CLUAP1: variants seen among roughly 807,000 people sequenced by gnomAD.
CLUAP1 encodes the protein clusterin-associated protein 1.
A neutral mutation model predicts 55.0 loss-of-function variants in CLUAP1; 50 were observed. The ratio of observed to expected loss-of-function variants is 0.91; its 90% CI spans 0.72 to 1.15. The LOEUF is 1.15. CLUAP1 is among the 50% of genes most tolerant of loss of function. The pLI is 0.00. For synonymous variants in CLUAP1, 195 were observed against 175.4 expected (o/e 1.11, Z -0.88); for missense variants, 530 against 507.6 (o/e 1.04, Z -0.42).
intron 4 of CLUAP1, among the ~76,000 whole-genome samples, chr16:3,509,086 A>T (rs1027805329): frequency 1.3e-5 from 2 of 151,930 alleles, no homozygotes; most frequent in African/African-American, 4.8e-5. Context: ...GTGAGACGCC[A>T]TTTTTACCAA....
At chr16:3,517,471 T>A (rs1475629002) in intron 6 of CLUAP1, among the ~76,000 whole-genome samples, 1 of 151,750 alleles carries the variant, frequency 6.6e-6, no homozygotes, top group Non-Finnish European at 1.5e-5. Context: ...CACGCCCAGC[T>A]AATTTTTGTT....
intron 4 of CLUAP1, among the ~76,000 whole-genome samples, chr16:3,508,725 T>C (rs1314338891): frequency 6.6e-6 from 1 of 152,212 alleles, no homozygotes; most frequent in Non-Finnish European, 1.5e-5. Context: ...AAAAATCGTG[T>C]GTTTATTCTC....
Position 3,501,599 on chromosome 16 carries a change from A to T in CLUAP1, c.22+510A>T, listed in dbSNP as rs561944443. On this transcript the variant is annotated intron_variant, in intron 1 of 11. Coordinates refer to ENST00000576634, the MANE Select transcript of CLUAP1 (RefSeq NM_015041.3). ...GGAGTTCGAGACCAGCCTGACCAACATGGAGAAACCCCGTCTCTACTAAAA... is the reference window on the plus strand; with the variant it reads ...GGAGTTCGAGACCAGCCTGACCAACTTGGAGAAACCCCGTCTCTACTAAAA... 2.0e-5 allele frequency among the ~76,000 whole-genome samples: 3 copies of T among 152,190 alleles called. No individual in the cohort carries two copies. In the South Asian group the frequency reaches 6.2e-4, roughly 32 times the overall value.
intron 1 of CLUAP1, among the ~76,000 whole-genome samples, chr16:3,504,355 C>G (rs567644638): frequency 5.3e-5 from 8 of 152,268 alleles, no homozygotes; most frequent in Admixed American, 4.6e-4. Flanking sequence ...TGAGTCAAAC[C>G]ACTGTTGACA....
At chr16:3,528,578 G>A (rs2037993384) in intron 9 of CLUAP1, among the ~76,000 whole-genome samples, 1 of 152,148 alleles carries the variant, frequency 6.6e-6, no homozygotes, top group Admixed American at 6.5e-5. Context: ...CCTTGCGAGA[G>A]GCCCAGCTCA....
intron 3 of CLUAP1, among the ~76,000 whole-genome samples, chr16:3,507,547 G>A (rs1334338834): frequency 2.7e-5 from 4 of 148,198 alleles, no homozygotes; most frequent in African/African-American, 1.0e-4. Context: ...GTGACAGAGT[G>A]AGACCCTATC....
At position 3,515,906 on chromosome 16, in the gene CLUAP1, T is replaced by C. The variant is rs867353247; in HGVS notation, c.579+315T>C. On this transcript the variant is annotated intron_variant, in intron 6 of 11. Transcript: ENST00000576634. ...GTTTAACCAATTCCTCACTGCTTAG[T>C]ATTTAAATGATTTCAGGGTTTTCTA... Among the ~76,000 whole-genome samples, 6 of 152,338 alleles carry C rather than the reference T, an allele frequency of 3.9e-5. No individual in the cohort carries two copies. In the South Asian group the frequency reaches 6.2e-4, roughly 16 times the overall value.
At chr16:3,533,747 G>T in intron 11 of CLUAP1, 1 of 154,606 alleles carries the variant, frequency 6.5e-6, no homozygotes. Context: ...TGAATTTACA[G>T]GGCACAGTCT....
intron 4 of CLUAP1, among the ~76,000 whole-genome samples, chr16:3,510,882 A>G (rs542144468): frequency 1.3e-5 from 2 of 152,312 alleles, no homozygotes; most frequent in South Asian, 4.1e-4. Context: ...GAGATGGTGC[A>G]CAGGTAGCTG....
chr16:3,500,904 C>A (rs1030913665), upstream of CLUAP1: 7 of 728,118 alleles, frequency 9.6e-6, no homozygotes, highest in Admixed American at 2.5e-5. Flanking sequence ...CCGCTCTCCC[C>A]GTGCGTATGC....
At chr16:3,512,856 A>G (rs1213721874) in intron 5 of CLUAP1, among the ~76,000 whole-genome samples, 1 of 151,818 alleles carries the variant, frequency 6.6e-6, no homozygotes, top group Non-Finnish European at 1.5e-5. Flanking sequence ...AATTTTTTGT[A>G]TTTTTAGTAG....
At chr16:3,529,772 AT>A (rs1455702643) in intron 9 of CLUAP1, among the ~76,000 whole-genome samples, 8 of 55,876 alleles carry the variant, frequency 1.4e-4, no homozygotes, top group Middle Eastern at 0.01. Flanking sequence ...ATATTATATT[AT>A]TATATATTAT....
At chr16:3,532,623 G>A (rs1180576793) in intron 10 of CLUAP1, among the ~76,000 whole-genome samples, 163 bp from the exon 11 acceptor site, 1 of 148,132 alleles carries the variant, frequency 6.8e-6, no homozygotes, top group Non-Finnish European at 1.5e-5. Flanking sequence ...TCATTATGTT[G>A]CCCAGGCTGG....
At chr16:3,533,254 G>A in intron 11 of CLUAP1, 2 of 928,620 alleles carry the variant, frequency 2.2e-6, no homozygotes, top group South Asian at 1.4e-5. Context: ...CCTCTCTCCT[G>A]GGCAAAAAGG....
Position 3,536,352 on chromosome 16 carries a change from C to A in CLUAP1, c.*81C>A. 1 of 1,488,592 alleles carries A rather than the reference C, an allele frequency of 6.7e-7. No homozygotes were observed. The highest frequency in any genetic ancestry group is 9.1e-7 in the Non-Finnish European group (1 of 1,094,568). 92.2% of individuals were successfully genotyped at this position (1,488,592 alleles called of 1,614,324 possible). ...GAACTTAGAAGGTTAGGAAGGTAAC[C>A]CCTGTTTTGTTTACTAAGCTGGCTG... is the stretch of plus-strand genomic sequence containing the variant. On this transcript the variant is annotated 3_prime_UTR_variant, in exon 12 of 12. Coordinates refer to ENST00000576634, the MANE Select transcript of CLUAP1 (RefSeq NM_015041.3).
chr16:3,504,099 G>A (rs1008702835), intron 1 of CLUAP1, among the ~76,000 whole-genome samples: 2 of 152,196 alleles, frequency 1.3e-5, no homozygotes, highest in African/African-American at 4.8e-5. Flanking sequence ...GGATCAACAA[G>A]TATTAGTATT....
intron 5 of CLUAP1, 101 bp downstream of exon 5, chr16:3,512,579 C>A (rs1472872501): frequency 1.1e-6 from 1 of 905,058 alleles, no homozygotes; most frequent in Non-Finnish European, 1.8e-6. Context: ...ATGAAATACA[C>A]CTGGTTGAAT....
intron 3 of CLUAP1, among the ~76,000 whole-genome samples, chr16:3,507,135 G>A (rs956135331): frequency 4.0e-5 from 6 of 151,612 alleles, no homozygotes; most frequent in Admixed American, 3.9e-4. Flanking sequence ...GGCAGAGCTT[G>A]CAGTGAGCCG....
At chr16:3,498,117 G>A (rs1274573676), upstream of CLUAP1, among the ~76,000 whole-genome samples, 2 of 152,052 alleles carry the variant, frequency 1.3e-5, no homozygotes, top group Non-Finnish European at 1.5e-5. Context: ...GAGGGCTGGT[G>A]TAAGTCCTGG....
Sources: allele counts gnomAD v4.1 joint callset (sites outside exome capture counted in the v4.1 genomes callset), GRCh38; gene constraint gnomAD v4.1.1; transcripts MANE v1.5; gene names NCBI Gene and HGNC (gene_info 2026-07-23, HGNC 2026-07-21).